The following CCDC102B variants were observed in gnomAD, a reference collection of about 807,000 sequenced individuals.
The protein encoded by CCDC102B is coiled-coil domain-containing protein 102B.
A neutral mutation model predicts 57.4 loss-of-function variants in CCDC102B; 75 were observed. That is an observed-to-expected ratio of 1.31 (90% CI 1.08 to 1.58). CCDC102B has a LOEUF of 1.58. Among genes scored for constraint, CCDC102B ranks in the 40% most tolerant of loss-of-function variants. The pLI is 0.00. For missense variants in CCDC102B, 636 were observed against 582.6 expected (o/e 1.09, Z -0.94); for synonymous variants, 206 against 201.9 (o/e 1.02, Z -0.17).
chr18:68,733,950 G>A (rs1362700457), intron 2 of CCDC102B, among the ~76,000 whole-genome samples: 2 of 152,148 alleles, frequency 1.3e-5, no homozygotes, highest in African/African-American at 2.4e-5. Flanking sequence ...TGTTGGCTGC[G>A]TTTCTGCGTT....
intron 6 of CCDC102B, among the ~76,000 whole-genome samples, chr18:68,898,079 G>A (rs997948542): frequency 7.9e-5 from 12 of 152,026 alleles, no homozygotes; most frequent in Non-Finnish European, 1.2e-4. Flanking sequence ...ATAGTTTACA[G>A]ATTTTTAAAT....
intron 6 of CCDC102B, among the ~76,000 whole-genome samples, chr18:68,974,596 T>A (rs1299699001): frequency 6.6e-6 from 1 of 152,028 alleles, no homozygotes; most frequent in African/African-American, 2.4e-5. Context: ...AATGACTGAT[T>A]TTCTTGAATG....
intron 2 of CCDC102B, among the ~76,000 whole-genome samples, chr18:68,784,835 T>C (rs1168762781): frequency 2.7e-5 from 3 of 109,840 alleles, no homozygotes; most frequent in Non-Finnish European, 6.5e-5. Flanking sequence ...TTTTGGTAAC[T>C]TTTTTTTTTT....
intron 7 of CCDC102B, among the ~76,000 whole-genome samples, chr18:69,014,827 G>C (rs951103117): frequency 2.0e-5 from 3 of 151,966 alleles, no homozygotes; most frequent in African/African-American, 7.3e-5. Context: ...TAGAGTCATT[G>C]AACTTTGAGG....
intron 6 of CCDC102B, among the ~76,000 whole-genome samples, chr18:68,948,310 C>G: frequency 6.6e-6 from 1 of 152,102 alleles, no homozygotes; most frequent in Non-Finnish European, 1.5e-5. Flanking sequence ...TACCAATCTT[C>G]CTCTATTTTA....
intron 1 of CCDC102B, 45 bp downstream of exon 1, chr18:68,798,226 A>G (rs982796254): frequency 1.3e-5 from 2 of 151,986 alleles, no homozygotes; most frequent in African/African-American, 4.8e-5. Context: ...TAATTTTTAT[A>G]TTTTCCTGCT....
At chr18:68,848,836 T>TG (rs145618222) in intron 4 of CCDC102B, among the ~76,000 whole-genome samples, 3,887 of 152,214 alleles carry the variant, frequency 0.026, 65 homozygotes, top group Middle Eastern at 0.051. Context: ...TCAGTGACTC[T>TG]GATTCTTTCC....
At chr18:68,885,167 A>G (rs2039838833) in intron 5 of CCDC102B, among the ~76,000 whole-genome samples, 1 of 152,080 alleles carries the variant, frequency 6.6e-6, no homozygotes, top group Non-Finnish European at 1.5e-5. Flanking sequence ...TGGATACATG[A>G]TAACACAAAT....
chr18:68,765,111 T>C (rs1309077708), intron 2 of CCDC102B, among the ~76,000 whole-genome samples: 1 of 149,448 alleles, frequency 6.7e-6, no homozygotes, highest in African/African-American at 2.5e-5. Context: ...TCATCCCAGC[T>C]ACTCTGGAGA....
At chr18:68,975,869 C>A (rs913617507) in intron 6 of CCDC102B, among the ~76,000 whole-genome samples, 1 of 147,952 alleles carries the variant, frequency 6.8e-6, no homozygotes, top group South Asian at 2.1e-4. Flanking sequence ...AAAAAAGCGT[C>A]TACCTGACAC....
At chr18:68,911,444 G>A (rs895636385) in intron 6 of CCDC102B, among the ~76,000 whole-genome samples, 1 of 152,076 alleles carries the variant, frequency 6.6e-6, no homozygotes, top group African/African-American at 2.4e-5. Context: ...GAGGGTGGTG[G>A]GTGGGAGGAT....
At chr18:69,000,199 A>G (rs2051164441) in intron 6 of CCDC102B, among the ~76,000 whole-genome samples, 1 of 152,218 alleles carries the variant, frequency 6.6e-6, no homozygotes, top group Non-Finnish European at 1.5e-5. Flanking sequence ...ATGTATGTAT[A>G]AAAAGCATTA....
At chr18:68,808,995 G>A (rs2036145179) in intron 1 of CCDC102B, among the ~76,000 whole-genome samples, 1 of 152,062 alleles carries the variant, frequency 6.6e-6, no homozygotes, top group Admixed American at 6.6e-5. Context: ...GTAGCCTTGT[G>A]ATTTCAAAAT....
chr18:68,836,874 G>A lies in CCDC102B; in HGVS notation c.111G>A (p.Arg37=), dbSNP rs781114579. 2 of 1,614,082 alleles carry A rather than the reference G, an allele frequency of 1.2e-6. No homozygotes were observed. The highest frequency in any genetic ancestry group is 1.1e-5 in the South Asian group (1 of 91,072). Residue 37 remains arginine (R), a synonymous_variant, in exon 2 of 8, where the codon AGG becomes AGA. Coordinates refer to ENST00000360242, the MANE Select transcript of CCDC102B (RefSeq NM_024781.3). The part of the protein sequence containing the change: ...GDMVAPASPP[R]DTCNTCFPLH... ...TGGTGGCACCTGCCTCACCCCCCAG[G>A]GATACCTGTAATACCTGCTTCCCAC...
At chr18:68,880,546 G>T (rs1477540516) in intron 5 of CCDC102B, among the ~76,000 whole-genome samples, 1 of 152,218 alleles carries the variant, frequency 6.6e-6, no homozygotes, top group Non-Finnish European at 1.5e-5. Context: ...CTGCCAGCAT[G>T]CTGTCACCTC....
chr18:69,029,630 A>G (rs148880201), intron 7 of CCDC102B, among the ~76,000 whole-genome samples: 1 of 152,314 alleles, frequency 6.6e-6, no homozygotes, highest in Non-Finnish European at 1.5e-5. Flanking sequence ...GAGGTCCCAG[A>G]GGATATTTTT....
At chr18:68,998,488 T>C (rs911237341) in intron 6 of CCDC102B, among the ~76,000 whole-genome samples, 4 of 149,216 alleles carry the variant, frequency 2.7e-5, no homozygotes, top group Non-Finnish European at 4.5e-5. Flanking sequence ...ATAGGATAGA[T>C]GCATAGGAAA....
chr18:68,956,611 A>AT lies in CCDC102B; in HGVS notation c.1264-54323_1264-54322insT, dbSNP rs2049906225. Among the ~76,000 whole-genome samples the AT allele has an allele frequency of 8.1e-5, 7 of 86,538 alleles. 1 individual carries two copies. In the Admixed American group the frequency reaches 1.3e-3, roughly 16 times the overall value. 56.8% of individuals were successfully genotyped at this position (86,538 alleles called of 152,430 possible). A position where few individuals can be genotyped will look rare whatever the true frequency, so the allele number is the denominator to read the frequency against. ...ATTATATATATATTATATATATATA[A>AT]AATATATAATATATATATCGCACCA... is the stretch of plus-strand genomic sequence containing the variant. On this transcript the variant is annotated intron_variant, in intron 6 of 7. Coordinates refer to ENST00000360242, the MANE Select transcript of CCDC102B (RefSeq NM_024781.3).
chr18:68,866,103 G>A (rs936674923), intron 4 of CCDC102B, among the ~76,000 whole-genome samples: 7 of 151,990 alleles, frequency 4.6e-5, no homozygotes, highest in African/African-American at 1.5e-4. Context: ...TGAATTTCTA[G>A]TAAATGATTA....
Sources: gnomAD v4.1 joint callset for allele counts (sites outside exome capture counted in the v4.1 genomes callset) on GRCh38, gnomAD v4.1.1 for gene constraint, MANE v1.5 for transcripts, NCBI Gene and HGNC (gene_info 2026-07-23, HGNC 2026-07-21) for gene names.